Variants in RAP1GAP observed in about 807,000 individuals in gnomAD.
RAP1GAP encodes the protein RAP1 GTPase activating protein.
A neutral mutation model predicts 87.2 loss-of-function variants in RAP1GAP; 35 were observed. The observed-to-expected ratio is 0.40, with a 90% confidence interval of 0.31 to 0.53. The LOEUF is 0.53. RAP1GAP is among the 20% of genes least tolerant of loss of function. The pLI, the probability that RAP1GAP is intolerant of heterozygous loss-of-function variation, is 0.48. For missense variants in RAP1GAP, 734 were observed against 898.9 expected (o/e 0.82, Z 2.35); for synonymous variants, 375 against 363.9 (o/e 1.03, Z -0.35).
intron 2 of RAP1GAP, among the ~76,000 whole-genome samples, chr1:21,628,486 G>A (rs184018703): frequency 4.6e-5 from 7 of 151,376 alleles, no homozygotes; most frequent in South Asian, 2.1e-4. Flanking sequence ...TTGGGAGGCC[G>A]AGGTGGGCAG....
chr1:21,614,874 G>A (rs1570708294), intron 7 of RAP1GAP, among the ~76,000 whole-genome samples: 2 of 152,250 alleles, frequency 1.3e-5, no homozygotes, highest in Admixed American at 6.5e-5. Flanking sequence ...CTGGCTGCCC[G>A]GCCACACCCG....
chr1:21,607,539 C>T (rs2075470088), intron 17 of RAP1GAP, among the ~76,000 whole-genome samples: 1 of 124,224 alleles, frequency 8.0e-6, no homozygotes, highest in Non-Finnish European at 1.8e-5. Flanking sequence ...GGTTCACACA[C>T]CTCTTCTGAG....
In RAP1GAP at chr1:21,611,696, C is replaced by T. The variant is rs2078435199; in HGVS notation, c.713+20G>A. On this transcript the variant is annotated intron_variant, in intron 12 of 24. Coordinates refer to ENST00000374765, the MANE Select transcript of RAP1GAP (RefSeq NM_002885.4). ...AGCACAAGTCAGATTACACTCTGCT[C>T]AGCCCACCCTAATACTCACCCCTTA... 1 of 1,612,098 alleles carries T rather than the reference C, an allele frequency of 6.2e-7. No individual in the cohort carries two copies. The highest frequency in any genetic ancestry group is 8.5e-7 in the Non-Finnish European group (1 of 1,178,132).
intron 20 of RAP1GAP, 57 bp from the exon 21 acceptor site, chr1:21,599,674 GC>G: frequency 6.4e-7 from 1 of 1,568,374 alleles, no homozygotes; most frequent in Non-Finnish European, 8.6e-7. Context: ...CCTGGGCCAG[GC>G]CCTCACTCCC....
rs545071887 is a variant in RAP1GAP, at chr1:21,648,133, C to A, written c.-113+1628G>T. ...TCCAGCTAGGCGAGCACGGGCAAGGCATTTTGGGTAATGGGGCGTGTCCTG... is the reference window on the plus strand; with the variant it reads ...TCCAGCTAGGCGAGCACGGGCAAGGAATTTTGGGTAATGGGGCGTGTCCTG... On this transcript the variant is annotated intron_variant, in intron 2 of 24. Transcript: ENST00000374765. 8.3e-4 allele frequency among the ~76,000 whole-genome samples: 127 copies of A among 152,322 alleles called. 1 individual carries two copies. Among genetic ancestry groups the A allele is most frequent in the Middle Eastern group, 3.4e-3 (1 of 294 alleles).
Position 21,659,448 on chromosome 1 carries a change from G to GC in RAP1GAP, c.-148-9653dup. On this transcript the variant is annotated intron_variant, in intron 1 of 24. Transcript: ENST00000374765. ...CTCACCCCTCCCTTACATGGAGGCG[G>GC]CCCCAGCGCCCGTCCTCGCCCTCTC... Among the ~76,000 whole-genome samples the GC allele has an allele frequency of 2.0e-5, 3 of 152,250 alleles. 1 individual carries two copies. The highest frequency in any genetic ancestry group is 2.0e-4 in the Admixed American group (3 of 15,290).
chr1:21,598,385 G>A lies in RAP1GAP; in HGVS notation c.1879+15C>T. The stretch of plus-strand genomic sequence containing the variant: ...GGTAGCCCTGCTTTGTGGGGAAGCT[G>A]CCTTGTCCTGGTACCTGGGGAGCTG... On this transcript the variant is annotated intron_variant, in intron 22 of 24. Coordinates refer to ENST00000374765, the MANE Select transcript of RAP1GAP (RefSeq NM_002885.4). The A allele has an allele frequency of 6.3e-7, 1 of 1,598,680 alleles. No homozygotes were observed. Among genetic ancestry groups the A allele is most frequent in the Non-Finnish European group, 8.6e-7 (1 of 1,166,020 alleles).
chr1:21,599,783 T>C (rs2066668232), intron 20 of RAP1GAP, among the ~76,000 whole-genome samples, 166 bp from the exon 21 acceptor site: 2 of 152,238 alleles, frequency 1.3e-5, no homozygotes, highest in African/African-American at 4.8e-5. Flanking sequence ...AGACTCCCCC[T>C]GCAGCCTCCT....
At chr1:21,601,232 C>T (rs2068127921) in intron 20 of RAP1GAP, among the ~76,000 whole-genome samples, 1 of 152,116 alleles carries the variant, frequency 6.6e-6, no homozygotes, top group Admixed American at 6.5e-5. Flanking sequence ...CCCCAGGCCT[C>T]TGCACTGGCC....
At chr1:21,644,137 C>T (rs1307471068) in intron 2 of RAP1GAP, among the ~76,000 whole-genome samples, 1 of 152,156 alleles carries the variant, frequency 6.6e-6, no homozygotes, top group African/African-American at 2.4e-5. Flanking sequence ...TCTCTTGTCT[C>T]CTGAAGCTAT....
At chr1:21,616,837 G>A (rs2082475252) in intron 7 of RAP1GAP, among the ~76,000 whole-genome samples, 1 of 152,222 alleles carries the variant, frequency 6.6e-6, no homozygotes, top group South Asian at 2.1e-4. Context: ...CACAGCTAGT[G>A]CTCATTATTT....
chr1:21,608,795 G>A, intron 16 of RAP1GAP, 55 bp downstream of exon 16: 1 of 1,524,844 alleles, frequency 6.6e-7, no homozygotes, highest in Non-Finnish European at 9.1e-7. Context: ...CAGGGCTGAA[G>A]TTATAGGTTG....
intron 2 of RAP1GAP, among the ~76,000 whole-genome samples, chr1:21,641,326 C>CG (rs1455082351): frequency 1.3e-5 from 2 of 152,100 alleles, no homozygotes; most frequent in African/African-American, 4.8e-5. Flanking sequence ...AGCTTTGGGG[C>CG]GGGGGAAGGA....
Position 21,668,175 on chromosome 1 carries a change from G to T in RAP1GAP, c.-149+1079C>A, listed in dbSNP as rs958874907. Among the ~76,000 whole-genome samples, 4 of 152,180 alleles carry T rather than the reference G, an allele frequency of 2.6e-5. No homozygotes were observed. Among genetic ancestry groups the T allele is most frequent in the African/African-American group, 7.2e-5 (3 of 41,440 alleles). On this transcript the variant is annotated intron_variant, in intron 1 of 24. Transcript: ENST00000374765. This position sits in a 1 kb window ranked among gnomAD's most constrained non-coding sequence, Gnocchi z 6.2. ...GAAGGAGGGACCACTACCTGTGCAG[G>T]GGGGGCCAGGAGCCTCCTGAGAGCC...
At position 21,608,353 on chromosome 1, in the gene RAP1GAP, G is replaced by A; in HGVS notation, c.1159-3C>T. On this transcript the variant is annotated splice_region_variant and splice_polypyrimidine_tract_variant and intron_variant, in intron 16 of 24. Coordinates refer to ENST00000374765, the MANE Select transcript of RAP1GAP (RefSeq NM_002885.4). ...AGGAGGGCGGCCCGCGTCCGCTCCT[G>A]TGGGCCAGGCCCGGGCCGTCAGGAG... 1 of 1,612,394 alleles carries A rather than the reference G, an allele frequency of 6.2e-7. No individual in the cohort carries two copies. The highest frequency in any genetic ancestry group is 2.2e-5 in the East Asian group (1 of 44,834).
intron 2 of RAP1GAP, among the ~76,000 whole-genome samples, chr1:21,642,500 C>A (rs931456751): frequency 6.6e-6 from 1 of 152,198 alleles, no homozygotes; most frequent in African/African-American, 2.4e-5. Flanking sequence ...ACAGCATCTG[C>A]GGTCCCAGCC....
At chr1:21,647,370 AAG>A (rs2096158194) in intron 2 of RAP1GAP, among the ~76,000 whole-genome samples, 2 of 152,172 alleles carry the variant, frequency 1.3e-5, no homozygotes, top group Admixed American at 1.3e-4. Flanking sequence ...AGGCTGAGGC[AAG>A]AGATTCACTT....
chr1:21,623,018 T>C (rs1353362980), intron 3 of RAP1GAP: 1 of 152,370 alleles, frequency 6.6e-6, no homozygotes, highest in African/African-American at 2.4e-5. Flanking sequence ...GAAGTCAAAG[T>C]GGAATCCAGA....
chr1:21,635,958 G>A (rs1243157796), intron 2 of RAP1GAP, among the ~76,000 whole-genome samples: 1 of 152,258 alleles, frequency 6.6e-6, no homozygotes, highest in Non-Finnish European at 1.5e-5. Flanking sequence ...TTGGTTGGAA[G>A]CAGAACCCTG....
Sources: allele counts gnomAD v4.1 joint callset (sites outside exome capture counted in the v4.1 genomes callset), GRCh38; gene constraint gnomAD v4.1.1; non-coding constraint Gnocchi (gnomAD v3.1); transcripts MANE v1.5; gene names NCBI Gene and HGNC (gene_info 2026-07-23, HGNC 2026-07-21).